Variants in SLC13A1 observed in about 807,000 individuals in gnomAD.
SLC13A1 encodes solute carrier family 13 member 1, also known as Na(+)/sulfate cotransporter.
In SLC13A1, 65 loss-of-function variants were observed where a neutral mutation model predicts 70.0. The ratio of observed to expected loss-of-function variants is 0.93; its 90% CI spans 0.76 to 1.14. The LOEUF (loss-of-function observed/expected upper bound fraction) is 1.14, where lower values mean the gene tolerates loss of function less well. SLC13A1 is among the 50% of genes most tolerant of loss of function. SLC13A1 has a pLI of 0.00. For synonymous variants in SLC13A1, 275 were observed against 250.5 expected (o/e 1.10, Z -0.92); for missense variants, 726 against 717.8 (o/e 1.01, Z -0.13).
intron 1 of SLC13A1, among the ~76,000 whole-genome samples, chr7:123,184,052 C>T (rs1057206276): frequency 6.6e-6 from 1 of 152,070 alleles, no homozygotes; most frequent in East Asian, 1.9e-4. Context: ...AAAATTGCCC[C>T]CTTTTTTCAC....
In SLC13A1 at chr7:123,199,873, G is replaced by A; in HGVS notation, c.74C>T (p.Pro25Leu). 2 of 1,612,706 alleles carry A rather than the reference G, an allele frequency of 1.2e-6. No individual in the cohort carries two copies. The highest frequency in any genetic ancestry group is 1.1e-5 in the South Asian group (1 of 91,048). Residue 25 changes from proline (P) to leucine (L), a missense_variant, in exon 1 of 15, where the codon CCT (proline) becomes CTT (leucine). Coordinates refer to ENST00000194130, the MANE Select transcript of SLC13A1 (RefSeq NM_022444.4). ...CTTGGTGTGGAGGACGATGGGCAGA[G>A]GTAGTAAAACCAACACAGTGAAAAC... ...FVVFTVLVLL[P>L]LPIVLHTKEA... is the part of the protein sequence containing the mutation.
At chr7:123,139,066 T>A (rs1794046587) in intron 7 of SLC13A1, among the ~76,000 whole-genome samples, 1 of 152,156 alleles carries the variant, frequency 6.6e-6, no homozygotes, top group Non-Finnish European at 1.5e-5. Context: ...GCTTAAGTGT[T>A]TAATTTATTT....
chr7:123,154,448 C>A (rs914230069), intron 6 of SLC13A1, among the ~76,000 whole-genome samples: 1 of 152,080 alleles, frequency 6.6e-6, no homozygotes, highest in Non-Finnish European at 1.5e-5. Context: ...ACTATTGCCA[C>A]CTGGTGGCAA....
intron 6 of SLC13A1, among the ~76,000 whole-genome samples, chr7:123,157,186 C>A (rs1469829928): frequency 6.6e-6 from 1 of 152,038 alleles, no homozygotes; most frequent in African/African-American, 2.4e-5. Context: ...AGGAGAGGAT[C>A]TTCTCCTTAC....
chr7:123,192,566 T>G (rs1796029294), intron 1 of SLC13A1, among the ~76,000 whole-genome samples: 1 of 152,112 alleles, frequency 6.6e-6, no homozygotes, highest in Non-Finnish European at 1.5e-5. Context: ...CGTATGTGGG[T>G]ATGATCTCTT....
At chr7:123,191,234 A>G (rs1165867381) in intron 1 of SLC13A1, among the ~76,000 whole-genome samples, 1 of 152,066 alleles carries the variant, frequency 6.6e-6, no homozygotes, top group East Asian at 1.9e-4. Context: ...GTTGGGTAGT[A>G]TGGGTGAGGT....
intron 8 of SLC13A1, 109 bp from the exon 9 acceptor site, chr7:123,129,590 T>TG: frequency 1.3e-6 from 1 of 753,768 alleles, no homozygotes; most frequent in African/African-American, 1.7e-5. Context: ...TGAATCTCCC[T>TG]TCATGCAATA....
intron 1 of SLC13A1, among the ~76,000 whole-genome samples, chr7:123,189,930 TA>T (rs201753525): frequency 6.6e-6 from 1 of 152,104 alleles, no homozygotes; most frequent in African/African-American, 2.4e-5. Context: ...TCATCTTTTT[TA>T]AAAAAATTCT....
intron 6 of SLC13A1, among the ~76,000 whole-genome samples, chr7:123,161,412 T>C (rs1794892154): frequency 6.6e-6 from 1 of 152,072 alleles, no homozygotes; most frequent in African/African-American, 2.4e-5. Flanking sequence ...AAATTTGACA[T>C]GGAACACATA....
chr7:123,169,232 G>C lies in SLC13A1; in HGVS notation c.469C>G (p.Gln157Glu), dbSNP rs28364196. 196 of 1,614,004 alleles carry C rather than the reference G, an allele frequency of 1.2e-4. No homozygotes were observed. In the African/African-American group the frequency reaches 2.4e-3, roughly 20 times the overall value. ...VMPIAEAVVQQIINAEAEVEA... is the reference protein window; with the variant it reads ...VMPIAEAVVQEIINAEAEVEA... ...ACCTCTGCTTCTGCATTGATGATCTGCTGCACTACAGCCTCCGCAATGGGC... is the reference window on the plus strand; with the variant it reads ...ACCTCTGCTTCTGCATTGATGATCTCCTGCACTACAGCCTCCGCAATGGGC... The change falls in exon 4 of 15, where the codon CAG becomes GAG. Residue 157 changes from glutamine to glutamate, a missense_variant. Physicochemically the swap from Gln to Glu is conservative, Grantham distance 29 (BLOSUM62 2). Transcript: ENST00000194130.
intron 1 of SLC13A1, among the ~76,000 whole-genome samples, chr7:123,186,954 C>A (rs1585402210): frequency 6.8e-6 from 1 of 148,076 alleles, no homozygotes. Context: ...GATTCCTTCT[C>A]AAAATAAAGA....
At chr7:123,195,263 G>A (rs1045005463) in intron 1 of SLC13A1, among the ~76,000 whole-genome samples, 26 of 151,584 alleles carry the variant, frequency 1.7e-4, no homozygotes, top group Middle Eastern at 3.4e-3. Flanking sequence ...TGCATTCTTT[G>A]GTGTCCAAAA....
chr7:123,129,030 AT>A, intron 9 of SLC13A1, 84 bp from the exon 10 acceptor site: 1 of 898,844 alleles, frequency 1.1e-6, no homozygotes, highest in Non-Finnish European at 1.8e-6. Flanking sequence ...GTCAGGAATG[AT>A]CGCAGTAGAA....
In SLC13A1 at chr7:123,114,617, CTTTATT is replaced by C. The variant is rs1292236693; in HGVS notation, c.*895_*900del. 2 of 151,768 alleles carry C rather than the reference CTTTATT, an allele frequency of 1.3e-5. No homozygotes were observed. The highest frequency in any genetic ancestry group is 2.9e-5 in the Non-Finnish European group (2 of 67,944). The allele number at this position is 151,768 out of a possible 1,614,324, so 9.4% of individuals were successfully genotyped here. A position where few individuals can be genotyped will look rare whatever the true frequency, so the allele number is the denominator to read the frequency against. ...ATAATTCATTTAGATTTCTACATCT[CTTTATT>C]TTTAACATATGACATTATGTATTTC... On this transcript the variant is annotated 3_prime_UTR_variant, in exon 15 of 15. Transcript: ENST00000194130.
intron 2 of SLC13A1, among the ~76,000 whole-genome samples, chr7:123,176,342 T>A (rs1225449991): frequency 6.6e-6 from 1 of 152,214 alleles, no homozygotes; most frequent in African/African-American, 2.4e-5. Flanking sequence ...TGCTGTTGGT[T>A]TGTAAATTAC....
At chr7:123,153,067 TATAA>T (rs1470861427) in intron 6 of SLC13A1, among the ~76,000 whole-genome samples, 5 of 151,972 alleles carry the variant, frequency 3.3e-5, no homozygotes, top group East Asian at 1.9e-4. Flanking sequence ...CTTTCAAAAA[TATAA>T]ATAAAGAAAA....
Position 123,114,331 on chromosome 7 carries a change from G to A in SLC13A1, c.*1187C>T, listed in dbSNP as rs1793111875. On this transcript the variant is annotated 3_prime_UTR_variant, in exon 15 of 15. Transcript: ENST00000194130. ...GGGTGTATGTGATATTTTGCTACCT[G>A]TCTACAATGTGTAATTGTCACATCA... 1.3e-5 allele frequency: 2 copies of A among 152,100 alleles called. No homozygotes were observed. Among genetic ancestry groups the A allele is most frequent in the African/African-American group, 4.8e-5 (2 of 41,496 alleles). 9.4% of individuals were successfully genotyped at this position (152,100 alleles called of 1,614,324 possible).
At chr7:123,148,632 G>A (rs1021919909) in intron 6 of SLC13A1, 4 of 330,708 alleles carry the variant, frequency 1.2e-5, no homozygotes, top group Non-Finnish European at 1.8e-5. Context: ...TTAATGAATG[G>A]TTTTTCAGTT....
At chr7:123,118,834 A>G (rs1434704797) in intron 13 of SLC13A1, among the ~76,000 whole-genome samples, 1 of 152,128 alleles carries the variant, frequency 6.6e-6, no homozygotes, top group Non-Finnish European at 1.5e-5. Context: ...ATAACGAAAA[A>G]AGCTGGACTG....
Sources: allele counts gnomAD v4.1 joint callset (sites outside exome capture counted in the v4.1 genomes callset), GRCh38; gene constraint gnomAD v4.1.1; transcripts MANE v1.5; gene names NCBI Gene and HGNC (gene_info 2026-07-23, HGNC 2026-07-21).